The following MUC7 variants were observed in gnomAD, a reference collection of about 807,000 sequenced individuals.
MUC7 encodes the protein mucin-7.
A neutral mutation model predicts 2.5 loss-of-function variants in MUC7; 2 were observed. The ratio of observed to expected loss-of-function variants is 0.81; its 90% CI spans 0.33 to 2.55. The LOEUF (loss-of-function observed/expected upper bound fraction) is 2.55, where lower values mean the gene tolerates loss of function less well. MUC7 is among the 30% of genes most tolerant of loss of function. MUC7 has a pLI of 0.11. For synonymous variants in MUC7, 133 were observed against 173.4 expected (o/e 0.77, Z 1.83); for missense variants, 408 against 455.6 (o/e 0.90, Z 0.95).
chr4:70,480,700 A>T, intron 2 of MUC7, 99 bp from the exon 3 acceptor site: 1 of 1,259,360 alleles, frequency 7.9e-7, no homozygotes, highest in Non-Finnish European at 1.1e-6. Flanking sequence ...TTCTAATCCC[A>T]GCATTCCACA....
upstream of MUC7, chr4:70,472,038 T>A (rs1163457649): frequency 6.6e-6 from 1 of 152,236 alleles, no homozygotes; most frequent in Non-Finnish European, 1.5e-5. Context: ...AAGAAATTGA[T>A]GCACAAAGAA....
chr4:70,457,323 G>A (rs899620972), intron 1 of MUC7, among the ~76,000 whole-genome samples: 6 of 152,098 alleles, frequency 3.9e-5, no homozygotes, highest in Non-Finnish European at 7.4e-5. Flanking sequence ...GTGCATGACT[G>A]TAGTTCCAGC....
chr4:70,439,049 A>G (rs908807789), intron 1 of MUC7, among the ~76,000 whole-genome samples: 1 of 152,222 alleles, frequency 6.6e-6, no homozygotes, highest in African/African-American at 2.4e-5. Flanking sequence ...GAAACAAAAT[A>G]AAGAAATTGT....
chr4:70,475,325 G>T (rs1414899396), intron 2 of MUC7, among the ~76,000 whole-genome samples: 2 of 152,040 alleles, frequency 1.3e-5, no homozygotes, highest in Non-Finnish European at 2.9e-5. Context: ...CTAGTTTGGG[G>T]CATGTTACAT....
At chr4:70,455,485 T>G (rs1464047321) in intron 1 of MUC7, among the ~76,000 whole-genome samples, 1 of 152,206 alleles carries the variant, frequency 6.6e-6, no homozygotes, top group Non-Finnish European at 1.5e-5. Flanking sequence ...AATGTTTCAA[T>G]ATTATCACCC....
At chr4:70,449,566 T>A (rs1419793338) in intron 1 of MUC7, among the ~76,000 whole-genome samples, 1 of 152,162 alleles carries the variant, frequency 6.6e-6, no homozygotes, top group Non-Finnish European at 1.5e-5. Context: ...TCATCTTCAC[T>A]GTCTGGGCTT....
At chr4:70,436,777 G>A (rs939931184) in intron 1 of MUC7, among the ~76,000 whole-genome samples, 76 of 152,124 alleles carry the variant, frequency 5.0e-4, no homozygotes, top group Admixed American at 1.3e-4. Flanking sequence ...GAAAAGAGGC[G>A]TTTTGGTTTT....
chr4:70,463,363 C>G (rs1734604714), intron 1 of MUC7, among the ~76,000 whole-genome samples: 1 of 152,192 alleles, frequency 6.6e-6, no homozygotes, highest in South Asian at 2.1e-4. Flanking sequence ...AGCAGTTAGG[C>G]AAAAGCCTTT....
intron 1 of MUC7, among the ~76,000 whole-genome samples, chr4:70,473,206 G>T (rs2109739630): frequency 6.6e-6 from 1 of 152,266 alleles, no homozygotes; most frequent in South Asian, 2.1e-4. Context: ...AGGCCGATGA[G>T]GGTGGATTGC....
At chr4:70,461,014 C>T (rs1463223497) in intron 1 of MUC7, among the ~76,000 whole-genome samples, 2 of 152,134 alleles carry the variant, frequency 1.3e-5, no homozygotes, top group African/African-American at 2.4e-5. Flanking sequence ...AGATTGTTTC[C>T]GTGCAGTGAG....
chr4:70,439,621 A>G (rs558968341), intron 1 of MUC7, among the ~76,000 whole-genome samples: 52 of 152,106 alleles, frequency 3.4e-4, no homozygotes, highest in South Asian at 2.3e-3. Flanking sequence ...TTAAAGTGTT[A>G]TGTTATGATT....
At chr4:70,473,032 T>C (rs1025413259) in intron 1 of MUC7, among the ~76,000 whole-genome samples, 1 of 152,208 alleles carries the variant, frequency 6.6e-6, no homozygotes, top group Non-Finnish European at 1.5e-5. Context: ...AATACAATTC[T>C]CTTTTGCAAG....
At chr4:70,465,713 G>C (rs1180373190) in intron 1 of MUC7, among the ~76,000 whole-genome samples, 1 of 151,972 alleles carries the variant, frequency 6.6e-6, no homozygotes, top group Non-Finnish European at 1.5e-5. Context: ...GAATAAAAAG[G>C]AACAAACAAA....
At chr4:70,446,778 T>G (rs577564314) in intron 1 of MUC7, among the ~76,000 whole-genome samples, 3 of 152,196 alleles carry the variant, frequency 2.0e-5, no homozygotes, top group South Asian at 4.1e-4. Context: ...GCTGATCACA[T>G]GTACTGACTA....
At chr4:70,460,776 G>T (rs1008725005) in intron 1 of MUC7, among the ~76,000 whole-genome samples, 2 of 152,166 alleles carry the variant, frequency 1.3e-5, no homozygotes, top group Admixed American at 6.5e-5. Context: ...GGGGATGTCA[G>T]TGGAGGTTTC....
chr4:70,472,628 C>T (rs563691079), intron 1 of MUC7, among the ~76,000 whole-genome samples: 1 of 152,196 alleles, frequency 6.6e-6, no homozygotes, highest in African/African-American at 2.4e-5. Flanking sequence ...ATGGATAAGA[C>T]ATTATTCTCA....
intron 1 of MUC7, among the ~76,000 whole-genome samples, chr4:70,433,891 T>C (rs1057337144): frequency 6.6e-6 from 1 of 152,234 alleles, no homozygotes; most frequent in African/African-American, 2.4e-5. Flanking sequence ...TAATTTGACA[T>C]ATGTTCCATC....
intron 1 of MUC7, among the ~76,000 whole-genome samples, chr4:70,458,354 G>T (rs1005452517): frequency 6.6e-6 from 1 of 152,104 alleles, no homozygotes; most frequent in Non-Finnish European, 1.5e-5. Context: ...TAGGAATAGT[G>T]CACAGGTGAT....
chr4:70,444,158 G>C (rs1734069573), intron 1 of MUC7, among the ~76,000 whole-genome samples: 1 of 152,170 alleles, frequency 6.6e-6, no homozygotes, highest in African/African-American at 2.4e-5. Flanking sequence ...TACCTTATCT[G>C]ATGTTCCTTC....
Sources: gnomAD v4.1 joint callset for allele counts (sites outside exome capture counted in the v4.1 genomes callset) on GRCh38, gnomAD v4.1.1 for gene constraint, MANE v1.5 for transcripts, NCBI Gene and HGNC (gene_info 2026-07-23, HGNC 2026-07-21) for gene names.